Variants in ATXN1 observed in about 807,000 individuals in gnomAD.
ATXN1 encodes ataxin-1.
In ATXN1, 8 loss-of-function variants were observed where a neutral mutation model predicts 56.4. The ratio of observed to expected loss-of-function variants is 0.14; its 90% CI spans 0.08 to 0.26. ATXN1 has a LOEUF of 0.26. ATXN1 is among the 10% of genes least tolerant of loss of function. ATXN1 has a pLI of 1.00. For missense variants in ATXN1, 987 were observed against 1,106.5 expected, an observed-to-expected ratio of 0.89 and a Z score of 1.53; for synonymous variants, 514 against 494.6, an observed-to-expected ratio of 1.04 and a Z score of -0.52.
intron 6 of ATXN1, among the ~76,000 whole-genome samples, chr6:16,427,071 C>T (rs1438046945): frequency 1.3e-5 from 2 of 152,106 alleles, no homozygotes; most frequent in South Asian, 2.1e-4. Context: ...TGGATGGACA[C>T]GGTCTAGATC....
intron 4 of ATXN1, among the ~76,000 whole-genome samples, chr6:16,538,368 A>G (rs1038314985): frequency 6.6e-6 from 1 of 152,222 alleles, no homozygotes; most frequent in Non-Finnish European, 1.5e-5. Flanking sequence ...ATTGACCAAC[A>G]TACAAAGAGC....
intron 6 of ATXN1, among the ~76,000 whole-genome samples, chr6:16,406,372 C>T (rs556835940): frequency 6.6e-6 from 1 of 152,308 alleles, no homozygotes; most frequent in Admixed American, 6.5e-5. Flanking sequence ...TGAGTCATCT[C>T]TATTTTTAAA....
rs199939933 is a variant in ATXN1 at position 16,371,716 on chromosome 6, ATTTATT to A, written c.-160-43252_-160-43247del. On this transcript the variant is annotated intron_variant, in intron 6 of 7. Coordinates refer to ENST00000436367, the MANE Select transcript of ATXN1 (RefSeq NM_001128164.2). ...TACAGGCATGCCACTATGCCTGGTT[ATTTATT>A]TTTATTTTTATTTTTATTTTTATTT... 3.1e-3 allele frequency among the ~76,000 whole-genome samples: 466 copies of A among 151,358 alleles called. 2 individuals are homozygous for A. The highest frequency in any genetic ancestry group is 4.3e-3 in the African/African-American group (175 of 41,130).
intron 5 of ATXN1, among the ~76,000 whole-genome samples, chr6:16,516,351 G>A (rs953685641): frequency 6.6e-6 from 1 of 152,146 alleles, no homozygotes; most frequent in African/African-American, 2.4e-5. Context: ...CTGTGTGAGA[G>A]GACTGGGACG....
chr6:16,493,351 T>C (rs1484267459), intron 5 of ATXN1, among the ~76,000 whole-genome samples: 1 of 152,020 alleles, frequency 6.6e-6, no homozygotes, highest in Admixed American at 6.6e-5. Context: ...CTACTCCACG[T>C]GTCAAAATGT....
chr6:16,359,039 A>C lies in ATXN1; in HGVS notation c.-160-30569T>G, dbSNP rs188106456. 9.9e-3 allele frequency among the ~76,000 whole-genome samples: 1,506 copies of C among 152,338 alleles called. 21 individuals carry two copies. Among genetic ancestry groups the C allele is most frequent in the Non-Finnish European group, 0.013 (900 of 68,014 alleles). On this transcript the variant is annotated intron_variant, in intron 6 of 7. Coordinates refer to ENST00000436367, the MANE Select transcript of ATXN1 (RefSeq NM_001128164.2). ...AGCCTGCACCCTTGGGCGCCCCAGG[A>C]AGGACCCTCCCCATCTCTGCATGCT...
intron 4 of ATXN1, among the ~76,000 whole-genome samples, chr6:16,543,663 A>C (rs1761759384): frequency 6.8e-6 from 1 of 146,630 alleles, no homozygotes; most frequent in Non-Finnish European, 1.5e-5. Flanking sequence ...AGAGAGAGAG[A>C]GAGTTTAAGC....
chr6:16,366,422 G>C (rs1354672954), intron 6 of ATXN1, among the ~76,000 whole-genome samples: 1 of 152,038 alleles, frequency 6.6e-6, no homozygotes, highest in Non-Finnish European at 1.5e-5. Context: ...TATAACAAAA[G>C]GGCCTCTTGG....
intron 7 of ATXN1, among the ~76,000 whole-genome samples, chr6:16,323,362 T>C (rs1018919381): frequency 6.6e-5 from 10 of 151,536 alleles, no homozygotes; most frequent in Admixed American, 4.6e-4. Context: ...CTACTAAAAA[T>C]ACAAAAATTA....
chr6:16,498,256 G>T (rs1404418086), intron 5 of ATXN1, among the ~76,000 whole-genome samples: 1 of 152,194 alleles, frequency 6.6e-6, no homozygotes, highest in African/African-American at 2.4e-5. Context: ...GGCCTTTTGT[G>T]TCTGGCTGCT....
intron 6 of ATXN1, among the ~76,000 whole-genome samples, chr6:16,472,156 A>G (rs377394583): frequency 6.6e-6 from 1 of 152,170 alleles, no homozygotes; most frequent in South Asian, 2.1e-4. Context: ...GTGGCAGCAT[A>G]TGCACACCTG....
intron 4 of ATXN1, among the ~76,000 whole-genome samples, chr6:16,541,091 C>T (rs1007696819): frequency 6.6e-6 from 1 of 152,178 alleles, no homozygotes; most frequent in African/African-American, 2.4e-5. Context: ...TTTTACATAG[C>T]CTCAGAATAT....
At chr6:16,453,979 A>G (rs1207452422) in intron 6 of ATXN1, among the ~76,000 whole-genome samples, 2 of 152,182 alleles carry the variant, frequency 1.3e-5, no homozygotes, top group East Asian at 1.9e-4. Context: ...CGTCTCTACT[A>G]AAACTACAAA....
chr6:16,342,139 T>C (rs1761264817), intron 6 of ATXN1, among the ~76,000 whole-genome samples: 1 of 151,976 alleles, frequency 6.6e-6, no homozygotes, highest in Non-Finnish European at 1.5e-5. Flanking sequence ...TACCTTGGCC[T>C]CCCAACGTGC....
intron 4 of ATXN1, among the ~76,000 whole-genome samples, chr6:16,546,893 CAACT>C (rs1761824629): frequency 6.6e-6 from 1 of 152,126 alleles, no homozygotes; most frequent in African/African-American, 2.4e-5. Flanking sequence ...AAATTAGAAC[CAACT>C]ATTTCAACAT....
chr6:16,443,873 T>A (rs1414339401), intron 6 of ATXN1, among the ~76,000 whole-genome samples: 2 of 152,120 alleles, frequency 1.3e-5, no homozygotes, highest in East Asian at 3.9e-4. Flanking sequence ...TCCCAGCACT[T>A]TGGGAGGCCA....
At chr6:16,731,785 T>C (rs958959965) in intron 2 of ATXN1, among the ~76,000 whole-genome samples, 8 of 151,876 alleles carry the variant, frequency 5.3e-5, no homozygotes, top group African/African-American at 1.9e-4. Flanking sequence ...CCACCCCTCC[T>C]ACACTGGCAT....
chr6:16,599,022 G>A (rs1762867051), intron 3 of ATXN1, among the ~76,000 whole-genome samples: 1 of 152,256 alleles, frequency 6.6e-6, no homozygotes, highest in Non-Finnish European at 1.5e-5. Flanking sequence ...GGACATGCCA[G>A]CAGAAGGAAC....
intron 7 of ATXN1, among the ~76,000 whole-genome samples, chr6:16,311,614 G>GTGCATATAT (rs1420917191): frequency 1.3e-5 from 2 of 152,190 alleles, no homozygotes; most frequent in African/African-American, 4.8e-5. Context: ...AAACATATAT[G>GTGCATATAT]TGCATATATA....
Sources: allele counts gnomAD v4.1 joint callset (sites outside exome capture counted in the v4.1 genomes callset), GRCh38; gene constraint gnomAD v4.1.1; transcripts MANE v1.5; gene names NCBI Gene and HGNC (gene_info 2026-07-23, HGNC 2026-07-21).